The following SMC3 variants were observed in gnomAD, a reference collection of about 807,000 sequenced individuals.
SMC3 encodes the protein structural maintenance of chromosomes 3.
In SMC3, 20 loss-of-function variants were observed where a neutral mutation model predicts 171.8. The observed-to-expected ratio is 0.12, with a 90% CI of 0.08 to 0.17. The LOEUF (loss-of-function observed/expected upper bound fraction) is 0.17. Ranked by LOEUF, SMC3 falls within the 10% of genes least tolerant of loss-of-function variation. The probability of loss-of-function intolerance (pLI) is 1.00; values close to 1 mark genes in which losing one functional copy is unlikely to be tolerated. For synonymous variants in SMC3, 464 were observed against 451.1 expected (o/e 1.03, Z -0.36); for missense variants, 543 against 1,420.4 (o/e 0.38, Z 9.93).
Position 110,601,627 on chromosome 10 carries a change from C to T in SMC3, c.2645-10C>T, listed in dbSNP as rs1457841459. On this transcript the variant is annotated splice_polypyrimidine_tract_variant and intron_variant, in intron 23 of 28. Coordinates refer to ENST00000361804, the MANE Select transcript of SMC3 (RefSeq NM_005445.4). The stretch of plus-strand genomic sequence containing the variant: ...GTATTATAGCCTAATTTTGTTTCCC[C>T]CCATCTTAGATTTGGACAATTCCAT... 4 of 1,609,838 alleles carry T rather than the reference C, an allele frequency of 2.5e-6. No individual in the cohort carries two copies. The South Asian group carries it at 3.3e-5, about 13-fold the overall frequency.
intron 2 of SMC3, among the ~76,000 whole-genome samples, chr10:110,571,846 TACTG>T (rs1476680252): frequency 2.6e-5 from 4 of 151,972 alleles, no homozygotes; most frequent in Non-Finnish European, 5.9e-5. Flanking sequence ...TCATATAACT[TACTG>T]GTAATCTGTT....
intron 19 of SMC3, among the ~76,000 whole-genome samples, chr10:110,596,862 GTTT>G (rs202036279): frequency 1.4e-5 from 2 of 145,654 alleles, no homozygotes; most frequent in Admixed American, 1.4e-4. Context: ...AACCTTGGTA[GTTT>G]TTTTTTTTTT....
At chr10:110,597,180 A>G (rs554406837) in intron 19 of SMC3, among the ~76,000 whole-genome samples, 61 of 151,090 alleles carry the variant, frequency 4.0e-4, no homozygotes, top group African/African-American at 1.4e-3. Context: ...AGGGTGAAAA[A>G]TGTTAGATTT....
chr10:110,573,152 A>G (rs900862214), intron 2 of SMC3, among the ~76,000 whole-genome samples: 3 of 152,198 alleles, frequency 2.0e-5, no homozygotes, highest in Admixed American at 1.3e-4. Context: ...AAATTTCACT[A>G]AACACACTTA....
At position 110,605,770 on chromosome 10, in the gene SMC3, C is replaced by T. The variant is rs986653044; in HGVS notation, c.*1468C>T. On this transcript the variant is annotated 3_prime_UTR_variant, in exon 29 of 29. Coordinates refer to ENST00000361804, the MANE Select transcript of SMC3 (RefSeq NM_005445.4). Reference sequence around the variant, plus strand: ...TAATATTTCTACCATTTTTCTTACACATTTACCCAAGAATTTTTCTCAAAC... The same window carrying T: ...TAATATTTCTACCATTTTTCTTACATATTTACCCAAGAATTTTTCTCAAAC... Among the ~76,000 whole-genome samples the T allele has an allele frequency of 1.3e-5, 2 of 152,160 alleles. No homozygotes were observed. Among genetic ancestry groups the T allele is most frequent in the South Asian group, 4.1e-4 (2 of 4,832 alleles).
At chr10:110,589,554 T>G (rs547581729) in intron 13 of SMC3, 51 bp from the exon 14 acceptor site, 2 of 1,174,082 alleles carry the variant, frequency 1.7e-6, no homozygotes, top group East Asian at 2.5e-5. Context: ...TTTCTATCAG[T>G]GTAGATTAGT....
chr10:110,573,464 A>G (rs151131386), intron 2 of SMC3, among the ~76,000 whole-genome samples: 15 of 152,254 alleles, frequency 9.9e-5, no homozygotes, highest in African/African-American at 3.1e-4. Flanking sequence ...CTATTGGGTA[A>G]GAGCAAACGG....
At chr10:110,582,933 T>TTTG (rs1411554166) in intron 10 of SMC3, among the ~76,000 whole-genome samples, 1 of 144,764 alleles carries the variant, frequency 6.9e-6, no homozygotes, top group Non-Finnish European at 1.5e-5. Context: ...CTCCTGAAGT[T>TTTG]TTTTTTTTTT....
chr10:110,601,516 G>GAAAATTTT, intron 23 of SMC3, 121 bp from the exon 24 acceptor site: 1 of 1,071,024 alleles, frequency 9.3e-7, no homozygotes, highest in Non-Finnish European at 1.4e-6. Context: ...AATTTTCACA[G>GAAAATTTT]AAAATTTTAA....
intron 13 of SMC3, 72 bp from the exon 14 acceptor site, chr10:110,589,533 C>T (rs1861176071): frequency 4.0e-6 from 4 of 1,011,420 alleles, no homozygotes; most frequent in Non-Finnish European, 3.0e-6. Context: ...CATCTGCAAC[C>T]ACTGATCTGC....
Position 110,567,735 on chromosome 10 carries a change from C to A in SMC3, c.-82C>A, listed in dbSNP as rs575165493. The A allele has an allele frequency of 2.6e-6, 4 of 1,544,712 alleles. No individual in the cohort carries two copies. Among genetic ancestry groups the A allele is most frequent in the Non-Finnish European group, 3.6e-6 (4 of 1,120,962 alleles). ...GCGAGCGGCGCTTTGGGGGAGGGGT[C>A]GCGTAGGCGCCTCACCTGACCCTGC... is the stretch of plus-strand genomic sequence containing the variant. On this transcript the variant is annotated 5_prime_UTR_variant, in exon 1 of 29. Coordinates refer to ENST00000361804, the MANE Select transcript of SMC3 (RefSeq NM_005445.4).
intron 14 of SMC3, 57 bp from the exon 15 acceptor site, chr10:110,589,835 G>T: frequency 6.5e-7 from 1 of 1,536,282 alleles, no homozygotes; most frequent in East Asian, 2.3e-5. Context: ...ACTGTATACT[G>T]TTAATGCATC....
intron 2 of SMC3, among the ~76,000 whole-genome samples, chr10:110,572,296 A>C (rs1295679469): frequency 6.6e-6 from 1 of 152,190 alleles, no homozygotes; most frequent in African/African-American, 2.4e-5. Flanking sequence ...AACTTAAGTA[A>C]ATTTAATACA....
At chr10:110,587,664 C>T (rs902255641) in intron 13 of SMC3, among the ~76,000 whole-genome samples, 10 of 143,776 alleles carry the variant, frequency 7.0e-5, no homozygotes, top group African/African-American at 1.8e-4. Context: ...CCAGCCTGGA[C>T]GACAGAGCGA....
chr10:110,589,062 G>A (rs1861166852), intron 13 of SMC3, among the ~76,000 whole-genome samples: 3 of 123,602 alleles, frequency 2.4e-5, no homozygotes, highest in African/African-American at 8.5e-5. Context: ...GTTTTCTGGT[G>A]TGGTATGCTC....
rs1564792442 is a variant in SMC3 at position 110,591,003 on chromosome 10, CATT to C, written c.1684_1686del (p.Ile562del). 1 of 1,612,504 alleles carries C rather than the reference CATT, an allele frequency of 6.2e-7. No homozygotes were observed. ...TGTTTATATTTAGGTTATTTTATCA[CATT>C]GTTGATTCAGATGAAGTCAGCACGA... is the stretch of plus-strand genomic sequence containing the variant. On this transcript the variant is annotated inframe_deletion, in exon 17 of 29. Coordinates refer to ENST00000361804, the MANE Select transcript of SMC3 (RefSeq NM_005445.4).
At position 110,605,357 on chromosome 10, in the gene SMC3, G is replaced by T. The variant is rs1348803398; in HGVS notation, c.*1055G>T. 6.6e-6 allele frequency among the ~76,000 whole-genome samples: 1 copy of T among 151,982 alleles called. No homozygotes were observed. The highest frequency in any genetic ancestry group is 2.4e-5 in the African/African-American group (1 of 41,362). On this transcript the variant is annotated 3_prime_UTR_variant, in exon 29 of 29. Coordinates refer to ENST00000361804, the MANE Select transcript of SMC3 (RefSeq NM_005445.4). ...TAGATTCTTTGAGATTTTCTACATA[G>T]ACAGTCATGTCATTTGCAAGAAAGA...
intron 13 of SMC3, among the ~76,000 whole-genome samples, chr10:110,586,294 G>A (rs1465899921): frequency 2.6e-5 from 4 of 152,192 alleles, no homozygotes; most frequent in Non-Finnish European, 4.4e-5. Flanking sequence ...GTAAAATTGC[G>A]AGGAGTGTAG....
At chr10:110,585,891 G>A (rs576769852) in intron 13 of SMC3, among the ~76,000 whole-genome samples, 4 of 152,006 alleles carry the variant, frequency 2.6e-5, no homozygotes, top group East Asian at 1.9e-4. Flanking sequence ...TCCGCTTCCC[G>A]GGTTCAAGCA....
Sources: gnomAD v4.1 joint callset for allele counts (sites outside exome capture counted in the v4.1 genomes callset) on GRCh38, gnomAD v4.1.1 for gene constraint, MANE v1.5 for transcripts, NCBI Gene and HGNC (gene_info 2026-07-23, HGNC 2026-07-21) for gene names.